The following DNAH7 variants were observed in gnomAD, a reference collection of about 807,000 sequenced individuals.
The protein encoded by DNAH7 is axonemal beta dynein heavy chain 7.
In DNAH7, 397 loss-of-function variants were observed where a neutral mutation model predicts 444.6. The observed-to-expected ratio is 0.89, with a 90% CI of 0.82 to 0.97. The LOEUF (loss-of-function observed/expected upper bound fraction) is 0.97. Ranked by LOEUF, DNAH7 falls within the 50% of genes least tolerant of loss-of-function variation. The probability of loss-of-function intolerance (pLI) is 0.00; values close to 1 mark genes in which losing one functional copy is unlikely to be tolerated. For synonymous variants in DNAH7, 1,636 were observed against 1,624.4 expected (o/e 1.01, Z -0.17); for missense variants, 4,902 against 4,800.8 (o/e 1.02, Z -0.62).
At chr2:195,824,753 AGTTT>A in intron 48 of DNAH7, among the ~76,000 whole-genome samples, 1 of 152,292 alleles carries the variant, frequency 6.6e-6, no homozygotes, top group South Asian at 2.1e-4. Context: ...ATGGCAGTGA[AGTTT>A]ATCCATCTGA....
At chr2:195,826,726 G>A (rs1002932612) in intron 48 of DNAH7, among the ~76,000 whole-genome samples, 8 of 152,000 alleles carry the variant, frequency 5.3e-5, no homozygotes, top group Admixed American at 1.3e-4. Context: ...AGTGACAACC[G>A]TCAGAAAACC....
chr2:196,062,677 T>C (rs1698195237), intron 1 of DNAH7, among the ~76,000 whole-genome samples: 1 of 152,200 alleles, frequency 6.6e-6, no homozygotes. Flanking sequence ...CTATCGCCCC[T>C]ACGATCACAG....
intron 8 of DNAH7, among the ~76,000 whole-genome samples, chr2:196,020,769 C>A (rs1248624072): frequency 6.6e-6 from 1 of 152,054 alleles, no homozygotes; most frequent in African/African-American, 2.4e-5. Context: ...CGCCACCATG[C>A]CCAGCTAACT....
intron 49 of DNAH7, among the ~76,000 whole-genome samples, chr2:195,823,638 CTCAT>C (rs1697576671): frequency 6.6e-6 from 1 of 152,058 alleles, no homozygotes; most frequent in African/African-American, 2.4e-5. Context: ...CCTTCACTCA[CTCAT>C]TCACTCACTC....
chr2:195,939,332 C>T (rs1170148071), intron 19 of DNAH7, among the ~76,000 whole-genome samples: 1 of 152,074 alleles, frequency 6.6e-6, no homozygotes, highest in African/African-American at 2.4e-5. Context: ...AGGTATTTAT[C>T]ATAGTAAAAT....
rs1340913048 is a variant in DNAH7 at position 195,873,638 on chromosome 2, T to C, written c.6343A>G (p.Ile2115Val). The C allele has an allele frequency of 1.3e-6, 2 of 1,531,644 alleles. No individual in the cohort carries two copies. Among genetic ancestry groups the C allele is most frequent in the East Asian group, 2.4e-5 (1 of 40,952 alleles). 94.9% of individuals were successfully genotyped at this position (1,531,644 alleles called of 1,614,324 possible). The change falls in exon 39 of 65, where the codon ATC becomes GTC. Residue 2115 changes from isoleucine to valine, a missense_variant. Ile to Val is a conservative substitution (Grantham distance 29). Transcript: ENST00000312428. ...ATGGATTTATCACTAAACTCATTGA[T>C]TGTTATAATATTGAAATGTCGCATG... ...RYMRHFNIIT[I>V]NEFSDKSMYT...
intron 60 of DNAH7, among the ~76,000 whole-genome samples, chr2:195,775,193 G>A (rs1380635876): frequency 1.3e-5 from 2 of 152,168 alleles, no homozygotes; most frequent in Non-Finnish European, 2.9e-5. Context: ...ACTGACCTGT[G>A]CTCACGGCAG....
rs530064844 is a variant in DNAH7 at position 195,852,062 on chromosome 2, T to C, written c.8781+1281A>G. Among the ~76,000 whole-genome samples, 8 of 152,116 alleles carry C rather than the reference T, an allele frequency of 5.3e-5. No individual in the cohort carries two copies. In the East Asian group the frequency reaches 1.2e-3, roughly 22 times the overall value. On this transcript the variant is annotated intron_variant, in intron 46 of 64. Coordinates refer to ENST00000312428, the MANE Select transcript of DNAH7 (RefSeq NM_018897.3). ...TCATAAGGTCAGGAGATTGAGACCA[T>C]CCTGGCTAACATGGTGAAACCCCGT...
At chr2:195,891,957 T>TA (rs1702037486) in intron 30 of DNAH7, among the ~76,000 whole-genome samples, 153 bp from the exon 31 acceptor site, 1 of 152,142 alleles carries the variant, frequency 6.6e-6, no homozygotes, top group Non-Finnish European at 1.5e-5. Context: ...GGTCAATATA[T>TA]AAAATCAATT....
At chr2:195,816,539 A>T in intron 51 of DNAH7, 89 bp downstream of exon 51, 1 of 957,010 alleles carries the variant, frequency 1.0e-6, no homozygotes, top group Non-Finnish European at 1.6e-6. Context: ...TAATGCTTGT[A>T]CCACTCTGAG....
chr2:195,966,880 T>C (rs1691512645), intron 17 of DNAH7, among the ~76,000 whole-genome samples: 1 of 152,200 alleles, frequency 6.6e-6, no homozygotes, highest in Non-Finnish European at 1.5e-5. Context: ...CCACTGGGTC[T>C]TGCTGTTTTT....
chr2:195,918,033 C>T (rs993159919), intron 24 of DNAH7, among the ~76,000 whole-genome samples: 7 of 152,034 alleles, frequency 4.6e-5, no homozygotes, highest in Admixed American at 1.3e-4. Context: ...TGCAGAAACA[C>T]GTATCAGATA....
chr2:195,942,731 T>C (rs1249902220), intron 19 of DNAH7, among the ~76,000 whole-genome samples: 1 of 152,164 alleles, frequency 6.6e-6, no homozygotes, highest in Admixed American at 6.6e-5. Context: ...TGTTAGCAGA[T>C]TACATGGTTA....
At chr2:195,804,218 C>T (rs1696605625) in intron 54 of DNAH7, among the ~76,000 whole-genome samples, 2 of 152,194 alleles carry the variant, frequency 1.3e-5, no homozygotes, top group Non-Finnish European at 1.5e-5. Flanking sequence ...TAGCCCCATT[C>T]AGCAATGCTC....
intron 19 of DNAH7, among the ~76,000 whole-genome samples, chr2:195,956,502 T>C (rs113746743): frequency 0.057 from 8,671 of 151,948 alleles, 400 homozygotes; most frequent in African/African-American, 0.13. Context: ...AATACAAAAA[T>C]TAGCTGGGCA....
chr2:195,764,740 C>T (rs1241904320), intron 61 of DNAH7, among the ~76,000 whole-genome samples: 1 of 151,866 alleles, frequency 6.6e-6, no homozygotes, highest in African/African-American at 2.4e-5. Context: ...GAAGAAGACA[C>T]AGTAAAATGG....
chr2:195,973,691 C>T (rs911429624), intron 15 of DNAH7, among the ~76,000 whole-genome samples: 2 of 152,062 alleles, frequency 1.3e-5, no homozygotes, highest in Admixed American at 6.5e-5. Context: ...AGGCTGATCT[C>T]GAACTCCTAA....
intron 25 of DNAH7, among the ~76,000 whole-genome samples, chr2:195,907,951 T>TTA (rs1687134785): frequency 6.6e-6 from 1 of 151,900 alleles, no homozygotes; most frequent in Non-Finnish European, 1.5e-5. Context: ...ATTCAAGCAG[T>TTA]TATATACATT....
At chr2:195,958,066 C>G (rs188258430) in intron 18 of DNAH7, among the ~76,000 whole-genome samples, 1 of 152,080 alleles carries the variant, frequency 6.6e-6, no homozygotes, top group East Asian at 1.9e-4. Flanking sequence ...TATAGTTGAC[C>G]CTTCAACAAC....
Sources: allele counts gnomAD v4.1 joint callset (sites outside exome capture counted in the v4.1 genomes callset), GRCh38; gene constraint gnomAD v4.1.1; transcripts MANE v1.5; gene names NCBI Gene and HGNC (gene_info 2026-07-23, HGNC 2026-07-21).